The following EEA1 variants were observed in gnomAD, a reference collection of about 807,000 sequenced individuals.
The protein encoded by EEA1 is early endosome antigen 1, 162kD.
In EEA1, 111 loss-of-function variants were observed where a neutral mutation model predicts 209.2. That is an observed-to-expected ratio of 0.53 (90% CI 0.45 to 0.62). The LOEUF is 0.62. EEA1 is among the 20% of genes least tolerant of loss of function. The pLI is 0.00. For synonymous variants in EEA1, 536 were observed against 540.6 expected (o/e 0.99, Z 0.12); for missense variants, 1,343 against 1,530.8 (o/e 0.88, Z 2.05).
intron 1 of EEA1, among the ~76,000 whole-genome samples, chr12:92,923,616 C>CT (rs1264110563): frequency 6.6e-6 from 1 of 152,124 alleles, no homozygotes; most frequent in African/African-American, 2.4e-5. Flanking sequence ...ACCACACCCC[C>CT]TCTCCACCAC....
rs1333055413 is a variant in EEA1 at position 92,779,127 on chromosome 12, T to C, written c.3642A>G (p.Lys1214=). The change falls in exon 25 of 29, where the codon AAA becomes AAG. Residue 1214 remains lysine (K), a synonymous_variant. Coordinates refer to ENST00000322349, the MANE Select transcript of EEA1 (RefSeq NM_003566.4). ...EEELKKEFIE[K]EAKLHSEIKE... ...TTAACTCACTGACCAACTTAGCTTCTTTCTCAATAAATTCTTTCTTCAGCT... is the reference window on the plus strand; with the variant it reads ...TTAACTCACTGACCAACTTAGCTTCCTTCTCAATAAATTCTTTCTTCAGCT... 5.6e-6 allele frequency: 9 copies of C among 1,600,308 alleles called. No individual in the cohort carries two copies. Among genetic ancestry groups the C allele is most frequent in the African/African-American group, 2.7e-5 (2 of 73,648 alleles).
At chr12:92,879,083 T>C (rs991681251) in intron 2 of EEA1, among the ~76,000 whole-genome samples, 7 of 152,090 alleles carry the variant, frequency 4.6e-5, no homozygotes, top group African/African-American at 1.7e-4. Context: ...AATTACAGAC[T>C]GATATCCCTC....
At chr12:92,896,535 T>C (rs1592764581) in intron 1 of EEA1, among the ~76,000 whole-genome samples, 1 of 152,120 alleles carries the variant, frequency 6.6e-6, no homozygotes, top group Non-Finnish European at 1.5e-5. Context: ...AAATCTTTCA[T>C]GAAAAGAAGA....
rs777840011 is a variant in EEA1 at position 92,857,490 on chromosome 12, AT to A, written c.246-6del. 1.9e-6 allele frequency: 3 copies of A among 1,562,188 alleles called. No individual in the cohort carries two copies. The highest frequency in any genetic ancestry group is 2.6e-6 in the Non-Finnish European group (3 of 1,157,722). ...CTGAGCAGTGTTACATCATCTCTAA[AT>A]AAAAATGGGAGGAAGGAATTAATAG... On this transcript the variant is annotated splice_polypyrimidine_tract_variant and splice_region_variant and intron_variant, in intron 3 of 28. Transcript: ENST00000322349.
chr12:92,774,431 G>A lies in EEA1; in HGVS notation c.*1580C>T, dbSNP rs562528919. On this transcript the variant is annotated 3_prime_UTR_variant, in exon 29 of 29. Coordinates refer to ENST00000322349, the MANE Select transcript of EEA1 (RefSeq NM_003566.4). ...CATTTCAGAATATTTGAAAGCAAATGTATATTAAGAACTATTATAAATGAA... is the reference window on the plus strand; with the variant it reads ...CATTTCAGAATATTTGAAAGCAAATATATATTAAGAACTATTATAAATGAA... 6.6e-6 allele frequency: 1 copy of A among 151,596 alleles called. No individual in the cohort carries two copies. The highest frequency in any genetic ancestry group is 2.1e-4 in the South Asian group (1 of 4,812). The allele number at this position is 151,596 out of a possible 1,614,324, so 9.4% of individuals were successfully genotyped here.
At chr12:92,929,016 G>C in intron 1 of EEA1, 27 bp downstream of exon 1, 1 of 1,584,596 alleles carries the variant, frequency 6.3e-7, no homozygotes, top group Non-Finnish European at 8.6e-7. Flanking sequence ...CTCACGTGCT[G>C]CCAGAAAGAC....
At chr12:92,802,220 T>G (rs1487096614) in intron 19 of EEA1, among the ~76,000 whole-genome samples, 184 bp downstream of exon 19, 2 of 152,014 alleles carry the variant, frequency 1.3e-5, no homozygotes, top group Admixed American at 6.5e-5. Flanking sequence ...CACAGGTGCA[T>G]ACACACACAT....
Position 92,834,936 on chromosome 12 carries a change from G to C in EEA1, c.916-2086C>G, listed in dbSNP as rs190873925. 1.9e-3 allele frequency among the ~76,000 whole-genome samples: 290 copies of C among 151,384 alleles called. 3 individuals carry two copies. Among genetic ancestry groups the C allele is most frequent in the Non-Finnish European group, 1.2e-3 (81 of 67,890 alleles). ...ACTCTGTCGCCCAGACTGGAGTGCA[G>C]TGGCGCGATCTCAGCTAACTCCAAG... On this transcript the variant is annotated intron_variant, in intron 10 of 28. Coordinates refer to ENST00000322349, the MANE Select transcript of EEA1 (RefSeq NM_003566.4).
chr12:92,781,634 AATACGTTATATGAG>A (rs2136650311), intron 23 of EEA1, among the ~76,000 whole-genome samples: 1 of 152,358 alleles, frequency 6.6e-6, no homozygotes. Flanking sequence ...TCTAAAGGAT[AATACGTTATATGAG>A]AAATAGTTGA....
At chr12:92,802,201 T>C (rs1024647426) in intron 19 of EEA1, among the ~76,000 whole-genome samples, 6 of 152,000 alleles carry the variant, frequency 3.9e-5, no homozygotes, top group African/African-American at 1.4e-4. Context: ...CTTTAGAAAA[T>C]GGCGTGCACA....
At chr12:92,864,346 A>G (rs887819233) in intron 3 of EEA1, among the ~76,000 whole-genome samples, 1 of 152,144 alleles carries the variant, frequency 6.6e-6, no homozygotes, top group Non-Finnish European at 1.5e-5. Context: ...ATGCAAAGTT[A>G]TACCATTGAA....
intron 1 of EEA1, among the ~76,000 whole-genome samples, chr12:92,899,092 A>G (rs1880042823): frequency 6.6e-6 from 1 of 150,780 alleles, no homozygotes; most frequent in African/African-American, 2.4e-5. Flanking sequence ...ATAAAGTACT[A>G]AAGATGAAGA....
chr12:92,833,385 G>T (rs1429105144), intron 10 of EEA1, among the ~76,000 whole-genome samples: 1 of 151,926 alleles, frequency 6.6e-6, no homozygotes, highest in Non-Finnish European at 1.5e-5. Flanking sequence ...TTTTTTCTAG[G>T]TGTATTAAAA....
At chr12:92,848,229 T>C (rs898413861) in intron 9 of EEA1, among the ~76,000 whole-genome samples, 1 of 147,348 alleles carries the variant, frequency 6.8e-6, no homozygotes, top group Non-Finnish European at 1.5e-5. Context: ...ATACCTTTTC[T>C]AGAAAAAAAA....
chr12:92,922,859 G>C (rs1473022363), intron 1 of EEA1, among the ~76,000 whole-genome samples: 1 of 151,950 alleles, frequency 6.6e-6, no homozygotes, highest in Non-Finnish European at 1.5e-5. Context: ...TCAGGAGGCT[G>C]AGGCAGGAGA....
chr12:92,836,957 C>G (rs540022022), intron 10 of EEA1, among the ~76,000 whole-genome samples: 1 of 152,054 alleles, frequency 6.6e-6, no homozygotes, highest in African/African-American at 2.4e-5. Flanking sequence ...CCCGTCTCTA[C>G]TAAAAATACA....
intron 12 of EEA1, 136 bp downstream of exon 12, chr12:92,827,776 A>G: frequency 2.3e-6 from 2 of 858,382 alleles, no homozygotes; most frequent in African/African-American, 1.8e-5. Context: ...GTTAATAAGC[A>G]AGATGTTGCT....
At chr12:92,820,414 T>C (rs1470356842) in intron 13 of EEA1, among the ~76,000 whole-genome samples, 1 of 152,146 alleles carries the variant, frequency 6.6e-6, no homozygotes, top group Non-Finnish European at 1.5e-5. Context: ...CTCATCCTTC[T>C]AAGCTTTGGT....
intron 13 of EEA1, among the ~76,000 whole-genome samples, 195 bp downstream of exon 13, chr12:92,825,971 A>G (rs950244755): frequency 2.0e-5 from 3 of 151,614 alleles, no homozygotes; most frequent in African/African-American, 7.2e-5. Context: ...CATAGTAATC[A>G]AAAGAAAAAT....
Sources: gnomAD v4.1 joint callset for allele counts (sites outside exome capture counted in the v4.1 genomes callset) on GRCh38, gnomAD v4.1.1 for gene constraint, MANE v1.5 for transcripts, NCBI Gene and HGNC (gene_info 2026-07-23, HGNC 2026-07-21) for gene names.